CEMIP: variants seen among roughly 807,000 people sequenced by gnomAD.
The protein encoded by CEMIP is cell migration-inducing and hyaluronan-binding protein.
A neutral mutation model predicts 156.9 loss-of-function variants in CEMIP; 105 were observed. That is an observed-to-expected ratio of 0.67 (90% CI 0.57 to 0.79). The LOEUF is 0.79. Among genes scored for constraint, CEMIP ranks in the 30% least tolerant of loss-of-function variants. The pLI is 0.00. For synonymous variants in CEMIP, 676 were observed against 668.4 expected (o/e 1.01, Z -0.17); for missense variants, 1,457 against 1,769.4 (o/e 0.82, Z 3.17).
intron 7 of CEMIP, among the ~76,000 whole-genome samples, chr15:80,885,213 G>A (rs1444248557): frequency 2.6e-5 from 4 of 152,166 alleles, no homozygotes; most frequent in Admixed American, 1.3e-4. Context: ...TAGAGATTAC[G>A]ATGCTCCTCC....
chr15:80,891,543 G>T (rs139737046), intron 10 of CEMIP, among the ~76,000 whole-genome samples: 1 of 152,338 alleles, frequency 6.6e-6, no homozygotes, highest in East Asian at 1.9e-4. Flanking sequence ...CAACAGCAGT[G>T]TGGTCCCCTT....
At chr15:80,814,557 G>A (rs1567056773) in intron 1 of CEMIP, among the ~76,000 whole-genome samples, 1 of 152,168 alleles carries the variant, frequency 6.6e-6, no homozygotes, top group Non-Finnish European at 1.5e-5. Flanking sequence ...CCCACTCTTA[G>A]AATTCTTCTC....
At chr15:80,841,975 A>C in intron 1 of CEMIP, 1 of 371,254 alleles carries the variant, frequency 2.7e-6, no homozygotes, top group Non-Finnish European at 5.4e-6. Context: ...TGCCTAGCAC[A>C]GTGCCTGGGA....
intron 17 of CEMIP, among the ~76,000 whole-genome samples, chr15:80,923,862 ATAGT>A (rs1567103223): frequency 1.3e-5 from 2 of 152,160 alleles, no homozygotes; most frequent in Admixed American, 6.5e-5. Context: ...TTGCCCAGTC[ATAGT>A]TAGTGGGAGT....
At chr15:80,820,598 C>T (rs968876499) in intron 1 of CEMIP, among the ~76,000 whole-genome samples, 7 of 152,174 alleles carry the variant, frequency 4.6e-5, no homozygotes, top group South Asian at 4.1e-4. Context: ...GAACTACTCC[C>T]TCAACTTTCT....
intron 4 of CEMIP, 112 bp downstream of exon 4, chr15:80,878,979 G>A (rs886696426): frequency 2.2e-6 from 3 of 1,388,982 alleles, no homozygotes; most frequent in African/African-American, 1.4e-5. Context: ...CACATGCTTT[G>A]GGTTCATGTT....
chr15:80,868,920 C>T (rs965040737), intron 1 of CEMIP, among the ~76,000 whole-genome samples: 7 of 152,238 alleles, frequency 4.6e-5, no homozygotes, highest in South Asian at 4.2e-4. Flanking sequence ...GTGATTTACT[C>T]GAGGATGCTG....
At chr15:80,931,278 A>G (rs966549272) in intron 21 of CEMIP, among the ~76,000 whole-genome samples, 1 of 152,070 alleles carries the variant, frequency 6.6e-6, no homozygotes, top group African/African-American at 2.4e-5. Context: ...ATCACCTTCC[A>G]TTCTGTGTCC....
intron 1 of CEMIP, chr15:80,842,170 G>T (rs1402143076): frequency 2.1e-6 from 1 of 466,250 alleles, no homozygotes; most frequent in African/African-American, 2.1e-5. Context: ...TATTATATAT[G>T]TATTTCCTTT....
At chr15:80,857,136 G>A (rs1897871807) in intron 1 of CEMIP, among the ~76,000 whole-genome samples, 1 of 152,254 alleles carries the variant, frequency 6.6e-6, no homozygotes, top group Non-Finnish European at 1.5e-5. Flanking sequence ...TGGGCAGAGG[G>A]AGGAGTAGAG....
In CEMIP at chr15:80,807,780, G is replaced by A. The variant is rs1479566687; in HGVS notation, c.-176+28166G>A. On this transcript the variant is annotated intron_variant, in intron 1 of 29. Transcript: ENST00000394685. ...CTTTTCTTTCCATTTCAATATTTCT[G>A]TCAGTGCTCTGCCATTGCATTGACA... is the stretch of plus-strand genomic sequence containing the variant. Among the ~76,000 whole-genome samples the A allele has an allele frequency of 2.0e-5, 3 of 152,210 alleles. No homozygotes were observed. In the East Asian group the frequency reaches 5.8e-4, roughly 29 times the overall value.
chr15:80,892,875 T>C (rs1350515088), intron 10 of CEMIP, among the ~76,000 whole-genome samples: 1 of 152,238 alleles, frequency 6.6e-6, no homozygotes, highest in African/African-American at 2.4e-5. Context: ...AAGTGGCCCA[T>C]ACATTTTTTA....
In CEMIP at chr15:80,943,066, G is replaced by A. The variant is rs1314446268; in HGVS notation, c.3821G>A (p.Trp1274Ter). Reference protein sequence around the residue: ...FRNSILQGIPWQLFNYVATIP... With the variant: ...FRNSILQGIP ...AACTCCATTCTGCAAGGCATACCAT[G>A]GCAGCTTTTCAACTATGTGGCGACC... is the stretch of plus-strand genomic sequence containing the variant. Residue 1274 changes from tryptophan (W) to a stop codon, truncating the protein, a stop_gained, in exon 28 of 30, where the codon TGG becomes TAG. Coordinates refer to ENST00000394685, the MANE Select transcript of CEMIP (RefSeq NM_001293298.2). LOFTEE classifies it high-confidence loss of function. 1 of 1,614,116 alleles carries A rather than the reference G, an allele frequency of 6.2e-7. No homozygotes were observed. Among genetic ancestry groups the A allele is most frequent in the African/African-American group, 1.3e-5 (1 of 74,934 alleles).
At chr15:80,814,196 C>T (rs1436521006) in intron 1 of CEMIP, among the ~76,000 whole-genome samples, 6 of 151,924 alleles carry the variant, frequency 3.9e-5, no homozygotes. Context: ...CTACAGGTGC[C>T]CGCCACCACG....
intron 25 of CEMIP, among the ~76,000 whole-genome samples, chr15:80,938,986 G>T (rs1484900268): frequency 6.6e-6 from 1 of 152,128 alleles, no homozygotes; most frequent in African/African-American, 2.4e-5. Flanking sequence ...TTGATTAAGG[G>T]AAAATTAAAA....
chr15:80,929,293 G>A (rs1567106698), intron 21 of CEMIP, 119 bp downstream of exon 21: 1 of 1,265,628 alleles, frequency 7.9e-7, no homozygotes, highest in Non-Finnish European at 1.2e-6. Context: ...CTACCAGCCA[G>A]AGGAATCACT....
chr15:80,942,048 C>T lies in CEMIP; in HGVS notation c.3607C>T (p.Gln1203Ter). The T allele has an allele frequency of 6.2e-7, 1 of 1,613,244 alleles. No homozygotes were observed. Among genetic ancestry groups the T allele is most frequent in the Non-Finnish European group, 8.5e-7 (1 of 1,179,546 alleles). Residue 1203 changes from glutamine to a stop codon, truncating the protein, a stop_gained, in exon 26 of 30, where the codon CAG (glutamine) becomes TAG (stop). Transcript: ENST00000394685. LOFTEE classifies it high-confidence loss of function. ...VPMPKKLFGS[Q>*]LKTKDHFLEV... Reference sequence around the variant, plus strand: ...GATGCCCAAGAAGCTCTTTGGTTCTCAGCTGGTGAGTGGCTGAGAGCAAAG... The same window carrying T: ...GATGCCCAAGAAGCTCTTTGGTTCTTAGCTGGTGAGTGGCTGAGAGCAAAG...
intron 1 of CEMIP, among the ~76,000 whole-genome samples, chr15:80,847,199 C>G (rs1023748304): frequency 1.3e-5 from 2 of 152,178 alleles, no homozygotes; most frequent in African/African-American, 2.4e-5. Flanking sequence ...CAGGCATGCA[C>G]CATCATGCCT....
intron 1 of CEMIP, among the ~76,000 whole-genome samples, chr15:80,817,470 G>A (rs1896810762): frequency 6.6e-6 from 1 of 151,972 alleles, no homozygotes; most frequent in East Asian, 1.9e-4. Flanking sequence ...CCATGGTGGT[G>A]TGTGCCTGTA....
Sources: gnomAD v4.1 joint callset for allele counts (sites outside exome capture counted in the v4.1 genomes callset) on GRCh38, gnomAD v4.1.1 for gene constraint, MANE v1.5 for transcripts, NCBI Gene and HGNC (gene_info 2026-07-23, HGNC 2026-07-21) for gene names.